Variants in TSHR observed in about 807,000 individuals in gnomAD.
TSHR encodes the protein thyroid stimulating hormone receptor.
In TSHR, 51 loss-of-function variants were observed where a neutral mutation model predicts 64.1. The observed-to-expected ratio is 0.80, with a 90% CI of 0.64 to 1.01. The LOEUF is 1.01. Ranked by LOEUF, TSHR falls within the 50% of genes least tolerant of loss-of-function variation. TSHR has a pLI of 0.00. For missense variants in TSHR, 877 were observed against 942.8 expected (o/e 0.93, Z 0.91); for synonymous variants, 361 against 361.9 (o/e 1.00, Z 0.03).
intron 8 of TSHR, among the ~76,000 whole-genome samples, chr14:81,124,013 C>T (rs932783010): frequency 6.6e-6 from 1 of 152,078 alleles, no homozygotes; most frequent in East Asian, 1.9e-4. Context: ...TCTCTAAATT[C>T]TAAATTATGT....
intron 1 of TSHR, among the ~76,000 whole-genome samples, chr14:80,965,882 T>C (rs1887275843): frequency 6.6e-6 from 1 of 152,238 alleles, no homozygotes. Context: ...GTATATGTGC[T>C]CTGGATTTTT....
At chr14:81,056,667 C>T (rs1595015315) in intron 1 of TSHR, among the ~76,000 whole-genome samples, 1 of 152,252 alleles carries the variant, frequency 6.6e-6, no homozygotes, top group South Asian at 2.1e-4. Context: ...GAGCAATTTC[C>T]ATAAGTCAAA....
intron 4 of TSHR, among the ~76,000 whole-genome samples, chr14:81,090,747 TCA>T (rs374517515): frequency 1.3e-5 from 2 of 151,348 alleles, no homozygotes; most frequent in Admixed American, 6.6e-5. Context: ...AACGAGAAAA[TCA>T]CACACACACA....
Position 80,983,514 on chromosome 14 carries a change from G to A in TSHR, c.170+27664G>A, listed in dbSNP as rs60227643. 1.9e-3 allele frequency: 2,566 copies of A among 1,346,540 alleles called. 39 individuals are homozygous for A. In the East Asian group the frequency reaches 0.032, roughly 17 times the overall value. The allele number at this position is 1,346,540 out of a possible 1,614,324, so 83.4% of individuals were successfully genotyped here. A position where few individuals can be genotyped will look rare whatever the true frequency, so the allele number is the denominator to read the frequency against. The stretch of plus-strand genomic sequence containing the variant: ...GGCAAAAGCCAGTCTTGTTAGTGGT[G>A]TGGCCATATTTATTAACATAAAGGA... On this transcript the variant is annotated intron_variant, in intron 1 of 9. Coordinates refer to ENST00000298171, the MANE Select transcript of TSHR (RefSeq NM_000369.5).
Position 81,143,177 on chromosome 14 carries a change from C to T in TSHR, c.1119C>T (p.Pro373=), listed in dbSNP as rs2140109726. 1 of 1,614,070 alleles carries T rather than the reference C, an allele frequency of 6.2e-7. No homozygotes were observed. The highest frequency in any genetic ancestry group is 8.5e-7 in the Non-Finnish European group (1 of 1,180,008). Reference sequence around the variant, plus strand: ...GTTTTGGCCAGGAGCTCAAAAACCCCCAGGAAGAGACTCTACAAGCTTTTG... The same window carrying T: ...GTTTTGGCCAGGAGCTCAAAAACCCTCAGGAAGAGACTCTACAAGCTTTTG... ...IIGFGQELKN[P]QEETLQAFDS... Residue 373 remains proline (P), a synonymous_variant, in exon 10 of 10, where the codon CCC becomes CCT. Transcript: ENST00000298171.
chr14:80,990,797 G>A (rs1350025054), intron 1 of TSHR, among the ~76,000 whole-genome samples: 1 of 152,108 alleles, frequency 6.6e-6, no homozygotes, highest in African/African-American at 2.4e-5. Context: ...TGGGATTACA[G>A]GTGCCCACCA....
rs3783939 is a variant in TSHR, at chr14:81,123,142, T to A, written c.692+14690T>A. On this transcript the variant is annotated intron_variant, in intron 8 of 9. Coordinates refer to ENST00000298171, the MANE Select transcript of TSHR (RefSeq NM_000369.5). The stretch of plus-strand genomic sequence containing the variant: ...ACTCCGTCTAAGAAAAAAAAAAAAA[T>A]TAACACTTAATTTAATAACAAAGCC... Among the ~76,000 whole-genome samples, 905 of 107,740 alleles carry A rather than the reference T, an allele frequency of 8.4e-3. 3 individuals carry two copies. The highest frequency in any genetic ancestry group is 0.025 in the African/African-American group (804 of 32,410). 70.7% of individuals were successfully genotyped at this position (107,740 alleles called of 152,430 possible).
chr14:80,957,459 G>GA (rs1345803208), intron 1 of TSHR, among the ~76,000 whole-genome samples: 42 of 106,678 alleles, frequency 3.9e-4, no homozygotes, highest in Admixed American at 5.2e-4. Flanking sequence ...TAGACACTCA[G>GA]AAAAAACAAA....
chr14:81,072,772 C>A (rs536057138), intron 3 of TSHR, among the ~76,000 whole-genome samples: 1 of 148,590 alleles, frequency 6.7e-6, no homozygotes, highest in Non-Finnish European at 1.5e-5. Context: ...CCGAGGCGGG[C>A]GGATCACGAG....
At chr14:81,138,853 C>T (rs1207651167) in intron 8 of TSHR, among the ~76,000 whole-genome samples, 2 of 152,012 alleles carry the variant, frequency 1.3e-5, no homozygotes, top group Non-Finnish European at 2.9e-5. Flanking sequence ...TATTCATGGC[C>T]TTATTCAAGC....
chr14:81,001,288 A>G (rs1320781676), intron 1 of TSHR: 1 of 232,172 alleles, frequency 4.3e-6, no homozygotes, highest in Non-Finnish European at 8.7e-6. Context: ...ATCCTTACTG[A>G]AAAGGAACAG....
chr14:80,989,327 G>A (rs577891393), intron 1 of TSHR, among the ~76,000 whole-genome samples: 6 of 152,106 alleles, frequency 3.9e-5, no homozygotes, highest in Non-Finnish European at 7.4e-5. Flanking sequence ...CTATGTTCTC[G>A]GCACCTCACT....
At chr14:81,026,677 G>A (rs1884071574) in intron 1 of TSHR, among the ~76,000 whole-genome samples, 1 of 152,042 alleles carries the variant, frequency 6.6e-6, no homozygotes, top group South Asian at 2.1e-4. Flanking sequence ...AATAAAAAAT[G>A]TTAAAAAAGG....
rs1595141155 is a variant in TSHR, at chr14:81,116,483, A to G, written c.692+8031A>G. On this transcript the variant is annotated intron_variant, in intron 8 of 9. Transcript: ENST00000298171. ...ATCAATTCAACAAGAAGAGCTAACT[A>G]TCCTAAATATATATGCACCCAATAC... 6.3e-5 allele frequency among the ~76,000 whole-genome samples: 8 copies of G among 127,584 alleles called. 3 individuals are homozygous for G. The Admixed American group carries it at 6.5e-4, about 10-fold the overall frequency. The allele number at this position is 127,584 out of a possible 152,430, so 83.7% of individuals were successfully genotyped here.
chr14:81,104,240 A>G (rs1566815908), intron 7 of TSHR: 1 of 985,284 alleles, frequency 1.0e-6, no homozygotes, highest in Non-Finnish European at 1.2e-6. Flanking sequence ...TTAAACTAAC[A>G]TGAGAGGTAG....
chr14:81,086,121 G>C lies in TSHR; in HGVS notation c.318-1833G>C, dbSNP rs1318175649. Reference sequence around the variant, plus strand: ...AGGATTTGGAAGTGAGGAGTTCTAAGATCTTGGGGTATAAACTGTTGATGC... The same window carrying C: ...AGGATTTGGAAGTGAGGAGTTCTAACATCTTGGGGTATAAACTGTTGATGC... On this transcript the variant is annotated intron_variant, in intron 3 of 9. Coordinates refer to ENST00000298171, the MANE Select transcript of TSHR (RefSeq NM_000369.5). 2.0e-5 allele frequency among the ~76,000 whole-genome samples: 3 copies of C among 152,304 alleles called. No individual in the cohort carries two copies. The East Asian group carries it at 5.8e-4, about 29-fold the overall frequency.
At chr14:80,985,022 G>A (rs1407661067) in intron 1 of TSHR, among the ~76,000 whole-genome samples, 2 of 152,154 alleles carry the variant, frequency 1.3e-5, no homozygotes, top group Non-Finnish European at 2.9e-5. Context: ...AAGCCGAGGC[G>A]GGTGGATCAC....
intron 7 of TSHR, chr14:81,104,410 G>T: frequency 1.0e-6 from 1 of 985,408 alleles, no homozygotes; most frequent in Non-Finnish European, 1.2e-6. Context: ...CCATCTTGGA[G>T]CTGCAATGTA....
intron 8 of TSHR, among the ~76,000 whole-genome samples, chr14:81,114,657 T>C (rs1055939104): frequency 6.6e-6 from 1 of 152,064 alleles, no homozygotes; most frequent in African/African-American, 2.4e-5. Context: ...GCAGGGAAGC[T>C]CGAACTGGGT....
Sources: allele counts gnomAD v4.1 joint callset (sites outside exome capture counted in the v4.1 genomes callset), GRCh38; gene constraint gnomAD v4.1.1; transcripts MANE v1.5; gene names NCBI Gene and HGNC (gene_info 2026-07-23, HGNC 2026-07-21).